Variants in TNRC18 observed in about 807,000 individuals in gnomAD.
The protein encoded by TNRC18 is trinucleotide repeat-containing gene 18 protein.
A neutral mutation model predicts 226.7 loss-of-function variants in TNRC18; 69 were observed. The observed-to-expected ratio is 0.30, with a 90% CI of 0.25 to 0.37. The LOEUF is 0.37. TNRC18 is among the 10% of genes least tolerant of loss of function. The pLI is 1.00. For missense variants in TNRC18, 4,754 were observed against 4,256.6 expected, an observed-to-expected ratio of 1.12 and a Z score of -3.25; for synonymous variants, 2,449 against 1,927.6, an observed-to-expected ratio of 1.27 and a Z score of -7.09.
Position 5,421,407 on chromosome 7 carries a change from C to G in TNRC18, c.-161G>C, listed in dbSNP as rs1216060398. 2 of 543,638 alleles carry G rather than the reference C, an allele frequency of 3.7e-6. No individual in the cohort carries two copies. The highest frequency in any genetic ancestry group is 4.8e-6 in the Non-Finnish European group (2 of 418,780). 33.7% of individuals were successfully genotyped at this position (543,638 alleles called of 1,614,324 possible). A position where few individuals can be genotyped will look rare whatever the true frequency, so the allele number is the denominator to read the frequency against. On this transcript the variant is annotated 5_prime_UTR_variant, in exon 2 of 30. Coordinates refer to ENST00000430969, the MANE Select transcript of TNRC18 (RefSeq NM_001080495.3). Reference sequence around the variant, plus strand: ...CGGGGCTTGCGCTCGGCGGCGGGCCCGCGGCCCGGGGCGCACAGGCGGCCG... The same window carrying G: ...CGGGGCTTGCGCTCGGCGGCGGGCCGGCGGCCCGGGGCGCACAGGCGGCCG...
chr7:5,352,226 G>T, intron 16 of TNRC18, 132 bp from the exon 17 acceptor site: 1 of 969,448 alleles, frequency 1.0e-6, no homozygotes, highest in Non-Finnish European at 1.5e-6. Context: ...CCTAGTAGGC[G>T]GCCGTACAAA....
chr7:5,315,778 C>G (rs982769499), intron 25 of TNRC18, among the ~76,000 whole-genome samples, 178 bp downstream of exon 25: 1 of 152,238 alleles, frequency 6.6e-6, no homozygotes, highest in Non-Finnish European at 1.5e-5. Context: ...GTGCTGTCCT[C>G]ATGGACCCAG....
At chr7:5,347,353 ATTTT>A (rs574068264) in intron 17 of TNRC18, among the ~76,000 whole-genome samples, 1 of 135,642 alleles carries the variant, frequency 7.4e-6, no homozygotes, top group Non-Finnish European at 1.6e-5. Flanking sequence ...CACCAGGCTA[ATTTT>A]TTTTTTTTTT....
chr7:5,345,517 G>GCCTCCCCCCCCCCC, intron 18 of TNRC18, 45 bp downstream of exon 18: 1 of 377,744 alleles, frequency 2.6e-6, no homozygotes. Context: ...AATGGCGTCC[G>GCCTCCCCCCCCCCC]CCCCTCCCAC....
chr7:5,363,237 A>T (rs1793253349), intron 11 of TNRC18, among the ~76,000 whole-genome samples: 1 of 151,886 alleles, frequency 6.6e-6, no homozygotes, highest in Non-Finnish European at 1.5e-5. Flanking sequence ...CGGGAGGCAG[A>T]GGTTGCAGTG....
At chr7:5,311,331 G>A (rs1425912422) in intron 27 of TNRC18, among the ~76,000 whole-genome samples, 2 of 152,258 alleles carry the variant, frequency 1.3e-5, no homozygotes, top group Non-Finnish European at 1.5e-5. Flanking sequence ...GGGCACACGG[G>A]ACCCCGACCT....
rs768366373 is a variant in TNRC18 at position 5,332,610 on chromosome 7, C to T, written c.6147+12G>A. The T allele has an allele frequency of 6.6e-7, 1 of 1,517,366 alleles. No homozygotes were observed. Among genetic ancestry groups the T allele is most frequent in the Non-Finnish European group, 8.8e-7 (1 of 1,134,854 alleles). 94.0% of individuals were successfully genotyped at this position (1,517,366 alleles called of 1,614,324 possible). ...ACCCTTCTGCGGCACCCCCTCCCAG[C>T]GCGGCCCCTACCTTCCTGGGGTCCT... is the stretch of plus-strand genomic sequence containing the variant. On this transcript the variant is annotated intron_variant, in intron 19 of 29. Transcript: ENST00000430969.
intron 24 of TNRC18, 82 bp from the exon 25 acceptor site, chr7:5,316,154 C>T (rs531306437): frequency 1.5e-4 from 161 of 1,050,246 alleles, no homozygotes; most frequent in African/African-American, 1.5e-3. Context: ...TGGCAGAAAC[C>T]GGCCCCTGTG....
intron 17 of TNRC18, among the ~76,000 whole-genome samples, chr7:5,351,394 G>A (rs893386420): frequency 3.3e-5 from 5 of 151,152 alleles, no homozygotes; most frequent in African/African-American, 9.7e-5. Flanking sequence ...TTTACAAAAT[G>A]TTCCTCGGGA....
intron 21 of TNRC18, among the ~76,000 whole-genome samples, chr7:5,323,539 C>G (rs1788592684): frequency 6.6e-6 from 1 of 150,648 alleles, no homozygotes; most frequent in Non-Finnish European, 1.5e-5. Context: ...CCCTGGGGCC[C>G]CCACTCGTTC....
At position 5,370,791 on chromosome 7, in the gene TNRC18, A is replaced by T; in HGVS notation, c.3803T>A (p.Val1268Glu). 6.2e-7 allele frequency: 1 copy of T among 1,604,622 alleles called. No homozygotes were observed. Among genetic ancestry groups the T allele is most frequent in the African/African-American group, 1.3e-5 (1 of 74,656 alleles). The change falls in exon 11 of 30, where the codon GTG becomes GAG. Residue 1268 changes from valine to glutamate, a missense_variant. Coordinates refer to ENST00000430969, the MANE Select transcript of TNRC18 (RefSeq NM_001080495.3). ...CTCGGGCACTGCCTCCACCACGGGC[A>T]CCGCCACAGGCACCTCCACCGGCTC... The part of the protein sequence containing the change: ...KEEPVEVPVA[V>E]PVVEAVPEEG...
intron 5 of TNRC18, among the ~76,000 whole-genome samples, chr7:5,383,095 T>G (rs1779512325): frequency 6.6e-6 from 1 of 151,856 alleles, no homozygotes; most frequent in Admixed American, 6.6e-5. Context: ...AGAGTCGGGG[T>G]TTCACTATGT....
At chr7:5,358,465 C>G (rs967467110) in intron 15 of TNRC18, among the ~76,000 whole-genome samples, 1 of 152,186 alleles carries the variant, frequency 6.6e-6, no homozygotes, top group African/African-American at 2.4e-5. Flanking sequence ...GGCAATCTTT[C>G]TTCTCTTAGA....
intron 21 of TNRC18, among the ~76,000 whole-genome samples, chr7:5,321,626 C>T (rs922403937): frequency 6.6e-6 from 1 of 151,592 alleles, no homozygotes; most frequent in African/African-American, 2.4e-5. Flanking sequence ...TGCCCACAGC[C>T]AAACTTCTAG....
intron 14 of TNRC18, among the ~76,000 whole-genome samples, chr7:5,361,202 G>A (rs537530443): frequency 2.6e-5 from 4 of 152,282 alleles, no homozygotes; most frequent in South Asian, 2.1e-4. Flanking sequence ...GGTCCGGCAC[G>A]GCGGAGACCG....
At chr7:5,355,331 C>G (rs1488079795) in intron 16 of TNRC18, among the ~76,000 whole-genome samples, 1 of 152,198 alleles carries the variant, frequency 6.6e-6, no homozygotes, top group African/African-American at 2.4e-5. Context: ...TGCTCCATTT[C>G]AAGAGCTCAA....
At chr7:5,420,924 G>T in intron 2 of TNRC18, 136 bp downstream of exon 2, 2 of 1,108,360 alleles carry the variant, frequency 1.8e-6, no homozygotes, top group Non-Finnish European at 2.7e-6. Context: ...CCAGCCCTGG[G>T]AGCCGAGTCT....
At chr7:5,369,472 C>A (rs1272662460) in intron 11 of TNRC18, among the ~76,000 whole-genome samples, 1 of 152,156 alleles carries the variant, frequency 6.6e-6, no homozygotes, top group Non-Finnish European at 1.5e-5. Context: ...TGAGCAGGCC[C>A]AGGGACCTGG....
In TNRC18 at chr7:5,370,959, C is replaced by T; in HGVS notation, c.3635G>A (p.Ser1212Asn). 6.2e-7 allele frequency: 1 copy of T among 1,605,504 alleles called. No individual in the cohort carries two copies. Among genetic ancestry groups the T allele is most frequent in the Non-Finnish European group, 8.5e-7 (1 of 1,179,736 alleles). Residue 1212 changes from serine (S) to asparagine (N), a missense_variant, in exon 11 of 30, where the codon AGC becomes AAC. By Grantham distance (46) the Ser-to-Asn change is conservative. Coordinates refer to ENST00000430969, the MANE Select transcript of TNRC18 (RefSeq NM_001080495.3). ...EAQALSATGQ[S>N]CAEPSECPDF... Reference sequence around the variant, plus strand: ...TGGACACTCAGAGGGCTCTGCGCAGCTCTGCCCGGTGGCACTCAGCGCCTG... The same window carrying T: ...TGGACACTCAGAGGGCTCTGCGCAGTTCTGCCCGGTGGCACTCAGCGCCTG...
Sources: gnomAD v4.1 joint callset for allele counts (sites outside exome capture counted in the v4.1 genomes callset) on GRCh38, gnomAD v4.1.1 for gene constraint, MANE v1.5 for transcripts, NCBI Gene and HGNC (gene_info 2026-07-23, HGNC 2026-07-21) for gene names.